The following IL31RA variants were observed in gnomAD, a reference collection of about 807,000 sequenced individuals.
The protein encoded by IL31RA is interleukin-31 receptor subunit alpha.
A neutral mutation model predicts 83.7 loss-of-function variants in IL31RA; 66 were observed. That is an observed-to-expected ratio of 0.79 (90% CI 0.65 to 0.97). The LOEUF is 0.97. Among genes scored for constraint, IL31RA ranks in the 50% least tolerant of loss-of-function variants. The pLI is 0.00. For missense variants in IL31RA, 798 were observed against 919.4 expected (o/e 0.87, Z 1.71); for synonymous variants, 325 against 329.0 (o/e 0.99, Z 0.13).
chr5:55,877,193 T>C (rs938062013), intron 4 of IL31RA, among the ~76,000 whole-genome samples: 37 of 152,190 alleles, frequency 2.4e-4, no homozygotes, highest in African/African-American at 8.7e-4. Flanking sequence ...ACAATCTAAT[T>C]TGAAATGATA....
At chr5:55,873,810 A>G (rs1326741978) in intron 4 of IL31RA, among the ~76,000 whole-genome samples, 5 of 152,114 alleles carry the variant, frequency 3.3e-5, no homozygotes, top group Non-Finnish European at 5.9e-5. Context: ...CTTATCAGAT[A>G]TGTAATTTGC....
Position 55,851,534 on chromosome 5 carries a change from G to A in IL31RA, c.-37G>A, listed in dbSNP as rs867126994. The A allele has an allele frequency of 6.2e-7, 1 of 1,613,994 alleles. No homozygotes were observed. Among genetic ancestry groups the A allele is most frequent in the Non-Finnish European group, 8.5e-7 (1 of 1,179,916 alleles). ...GTGTGCAGTATGAAAATTGAGACAG[G>A]AAGGCAGAGTGTCAGCTTGTTCCAC... On this transcript the variant is annotated 5_prime_UTR_variant, in exon 1 of 15. Transcript: ENST00000652347.
chr5:55,871,839 A>G (rs112414017), intron 3 of IL31RA, among the ~76,000 whole-genome samples: 3 of 135,738 alleles, frequency 2.2e-5, no homozygotes, highest in African/African-American at 9.4e-5. Context: ...CTTACATTCT[A>G]TTTATGTATC....
rs989402834 is a variant in IL31RA, at chr5:55,922,065, G to T, written c.*4945G>T. The stretch of plus-strand genomic sequence containing the variant: ...CTCTTATGTTGTGGCGGGGGGGGGG[G>T]GCGGTTCCTGAAGAGTGGAGTGTGA... On this transcript the variant is annotated 3_prime_UTR_variant, in exon 15 of 15. Transcript: ENST00000652347. 4.5e-5 allele frequency among the ~76,000 whole-genome samples: 6 copies of T among 134,684 alleles called. No homozygotes were observed. The highest frequency in any genetic ancestry group is 1.4e-4 in the Admixed American group (2 of 13,820). The allele number at this position is 134,684 out of a possible 152,430, so 88.4% of individuals were successfully genotyped here.
At chr5:55,844,502 A>G in the IL31RA span, among the ~76,000 whole-genome samples, 1 of 152,150 alleles carries the variant, frequency 6.6e-6, no homozygotes, top group Non-Finnish European at 1.5e-5. Context: ...TAATTATAAC[A>G]ATGTATCTGA....
chr5:55,886,042 C>T (rs1285506511), intron 5 of IL31RA, among the ~76,000 whole-genome samples: 3 of 151,940 alleles, frequency 2.0e-5, no homozygotes, highest in South Asian at 2.1e-4. Flanking sequence ...ATTACTATAC[C>T]GCATATAACA....
chr5:55,870,130 A>G (rs1045213731), intron 3 of IL31RA, among the ~76,000 whole-genome samples: 5 of 152,346 alleles, frequency 3.3e-5, no homozygotes, highest in African/African-American at 1.2e-4. Context: ...GAACTTTTCA[A>G]CACTACTGTT....
At chr5:55,876,004 A>T (rs918922534) in intron 4 of IL31RA, among the ~76,000 whole-genome samples, 1 of 152,222 alleles carries the variant, frequency 6.6e-6, no homozygotes, top group African/African-American at 2.4e-5. Context: ...ATAATTTTAT[A>T]ATAATTAGGT....
chr5:55,864,356 C>CA (rs374537754), intron 2 of IL31RA, among the ~76,000 whole-genome samples: 1 of 139,176 alleles, frequency 7.2e-6, no homozygotes, highest in East Asian at 2.2e-4. Flanking sequence ...CACACACACA[C>CA]CACACACACT....
At position 55,851,633 on chromosome 5, in the gene IL31RA, T is replaced by A; in HGVS notation, c.63T>A (p.Ile21=). Residue 21 remains isoleucine, a splice_region_variant and synonymous_variant, in exon 1 of 15, where the codon ATT becomes ATA. Transcript: ENST00000652347. ...GTGTCTGTGAATGTCCGCAAAACAT[T>A]GTGAGTATTGATTTGGGGGGTTACA... ...TACVCECPQN[I]LSPQPSCVNL... 1 of 1,613,814 alleles carries A rather than the reference T, an allele frequency of 6.2e-7. No homozygotes were observed. Among genetic ancestry groups the A allele is most frequent in the East Asian group, 2.2e-5 (1 of 44,882 alleles).
chr5:55,847,878 C>A (rs961097956), upstream of IL31RA, among the ~76,000 whole-genome samples: 1 of 152,120 alleles, frequency 6.6e-6, no homozygotes, highest in Admixed American at 6.5e-5. Flanking sequence ...GTTTTCATGA[C>A]CCTGATGGTT....
At chr5:55,885,158 T>TA (rs1747504735) in intron 5 of IL31RA, among the ~76,000 whole-genome samples, 1 of 152,210 alleles carries the variant, frequency 6.6e-6, no homozygotes, top group African/African-American at 2.4e-5. Flanking sequence ...TACTTTTTTT[T>TA]ATCTTGTCCA....
intron 11 of IL31RA, chr5:55,909,120 T>G (rs1338690057): frequency 1.3e-5 from 2 of 156,722 alleles, no homozygotes; most frequent in African/African-American, 4.8e-5. Flanking sequence ...TTTTGGATAT[T>G]TCATATACAT....
chr5:55,873,666 AT>A (rs1366488354), intron 4 of IL31RA, among the ~76,000 whole-genome samples: 1 of 151,984 alleles, frequency 6.6e-6, no homozygotes, highest in Non-Finnish European at 1.5e-5. Flanking sequence ...GATATTGAAC[AT>A]TTTTCATGTG....
chr5:55,883,059 C>T lies in IL31RA; in HGVS notation c.470C>T (p.Pro157Leu). 2 of 1,613,972 alleles carry T rather than the reference C, an allele frequency of 1.2e-6. No homozygotes were observed. Among genetic ancestry groups the T allele is most frequent in the Non-Finnish European group, 1.7e-6 (2 of 1,179,960 alleles). Reference protein sequence around the residue: ...RLENIAKTEPPKIFRVKPVLG... With the variant: ...RLENIAKTEPLKIFRVKPVLG... ...TTATTTTCAGCGAAAACTGAACCAC[C>T]TAAGATTTTCCGTGTGAAACCAGTT... Residue 157 changes from proline (P) to leucine (L), a missense_variant, in exon 5 of 15, where the codon CCT becomes CTT. By Grantham distance (98) the Pro-to-Leu change is moderately conservative. Transcript: ENST00000652347.
At chr5:55,875,360 A>T (rs1159220150) in intron 4 of IL31RA, among the ~76,000 whole-genome samples, 1 of 152,048 alleles carries the variant, frequency 6.6e-6, no homozygotes, top group Non-Finnish European at 1.5e-5. Flanking sequence ...TCAGGGTAAT[A>T]TTGGCCTCAT....
chr5:55,840,395 A>T, the IL31RA span, among the ~76,000 whole-genome samples: 1 of 152,224 alleles, frequency 6.6e-6, no homozygotes, highest in East Asian at 1.9e-4. Context: ...GAGAGGAATC[A>T]GTTGTATCAA....
intron 1 of IL31RA, among the ~76,000 whole-genome samples, chr5:55,856,851 C>T (rs1409700565): frequency 6.6e-6 from 1 of 152,086 alleles, no homozygotes; most frequent in Non-Finnish European, 1.5e-5. Context: ...CTAAGGTGAC[C>T]TCTCCTTTCT....
chr5:55,859,016 G>A (rs1390654980), intron 1 of IL31RA, among the ~76,000 whole-genome samples: 2 of 152,246 alleles, frequency 1.3e-5, no homozygotes, highest in Non-Finnish European at 2.9e-5. Context: ...GGAATTCAGA[G>A]AGGGCGTCTT....
Sources: allele counts gnomAD v4.1 joint callset (sites outside exome capture counted in the v4.1 genomes callset), GRCh38; gene constraint gnomAD v4.1.1; transcripts MANE v1.5; gene names NCBI Gene and HGNC (gene_info 2026-07-23, HGNC 2026-07-21).